Variants in FBXL7 observed in about 807,000 individuals in gnomAD.
FBXL7 encodes the protein F-box/LRR-repeat protein 7.
Under a neutral mutation model 38.3 loss-of-function variants are expected in FBXL7, and 12 were observed. That is an observed-to-expected ratio of 0.31 (90% CI 0.20 to 0.51). The LOEUF is 0.51. FBXL7 is among the 20% of genes least tolerant of loss of function. The pLI is 0.98. For missense variants in FBXL7, 567 were observed against 676.4 expected, an observed-to-expected ratio of 0.84 and a Z score of 1.79; for synonymous variants, 297 against 300.9, an observed-to-expected ratio of 0.99 and a Z score of 0.13.
intron 2 of FBXL7, among the ~76,000 whole-genome samples, chr5:15,819,292 A>G (rs1579491144): frequency 6.6e-6 from 1 of 152,148 alleles, no homozygotes; most frequent in Non-Finnish European, 1.5e-5. Flanking sequence ...TTTAATTTCT[A>G]ATTATACTGT....
At chr5:15,654,602 T>G (rs1003561331) in intron 2 of FBXL7, among the ~76,000 whole-genome samples, 6 of 152,088 alleles carry the variant, frequency 3.9e-5, no homozygotes, top group African/African-American at 1.2e-4. Flanking sequence ...AGATTCAAGG[T>G]TTTTTAAAGT....
chr5:15,594,015 T>C (rs891820245), intron 1 of FBXL7, among the ~76,000 whole-genome samples: 1 of 152,250 alleles, frequency 6.6e-6, no homozygotes, highest in African/African-American at 2.4e-5. Flanking sequence ...AACATTATAC[T>C]AAAGATTCAT....
At chr5:15,713,197 TC>T (rs1386432772) in intron 2 of FBXL7, among the ~76,000 whole-genome samples, 1 of 152,176 alleles carries the variant, frequency 6.6e-6, no homozygotes. Flanking sequence ...GAAAGGTCCA[TC>T]TTACATGGCA....
At chr5:15,823,921 C>G (rs1318099562) in intron 2 of FBXL7, among the ~76,000 whole-genome samples, 2 of 152,064 alleles carry the variant, frequency 1.3e-5, no homozygotes, top group African/African-American at 4.8e-5. Context: ...ATGAAATGCC[C>G]CAGAAAATAT....
intron 2 of FBXL7, among the ~76,000 whole-genome samples, chr5:15,652,034 C>A (rs1276470092): frequency 2.0e-5 from 3 of 152,300 alleles, no homozygotes; most frequent in African/African-American, 7.2e-5. Context: ...CTTTATGATC[C>A]AACCTCCCTT....
chr5:15,595,842 G>A (rs1739611173), intron 1 of FBXL7, among the ~76,000 whole-genome samples: 1 of 152,142 alleles, frequency 6.6e-6, no homozygotes, highest in African/African-American at 2.4e-5. Context: ...TCTGATGCCT[G>A]GAGCTTTTTC....
At chr5:15,864,646 C>G (rs1011689778) in intron 2 of FBXL7, among the ~76,000 whole-genome samples, 1 of 152,092 alleles carries the variant, frequency 6.6e-6, no homozygotes. Context: ...TGGCAGAAAT[C>G]GCTTAACACA....
intron 2 of FBXL7, among the ~76,000 whole-genome samples, chr5:15,847,475 A>G (rs1460316473): frequency 6.6e-6 from 1 of 152,102 alleles, no homozygotes; most frequent in Non-Finnish European, 1.5e-5. Flanking sequence ...GGGAACTACA[A>G]TTCAAGATGA....
rs566331650 is a variant in FBXL7 at position 15,928,266 on chromosome 5, C to T, written c.504C>T (p.Arg168=). 2 of 1,612,366 alleles carry T rather than the reference C, an allele frequency of 1.2e-6. No individual in the cohort carries two copies. Among genetic ancestry groups the T allele is most frequent in the Non-Finnish European group, 1.7e-6 (2 of 1,179,218 alleles). ...RLTGETINVD[R]ALKVLTRRLC... is the part of the protein sequence containing the mutation. The stretch of plus-strand genomic sequence containing the variant: ...CGGGCGAGACCATCAACGTGGACCG[C>T]GCCCTCAAGGTGCTGACCCGCAGAC... Residue 168 remains arginine (R), a synonymous_variant, in exon 3 of 4, where the codon CGC becomes CGT. Coordinates refer to ENST00000504595, the MANE Select transcript of FBXL7 (RefSeq NM_012304.5). This position sits in a 1 kb window ranked among gnomAD's most constrained non-coding sequence, Gnocchi z 4.0.
At chr5:15,764,876 A>G (rs1459324916) in intron 2 of FBXL7, among the ~76,000 whole-genome samples, 2 of 152,260 alleles carry the variant, frequency 1.3e-5, no homozygotes, top group Non-Finnish European at 2.9e-5. Flanking sequence ...CTAAAGGGCC[A>G]GATTGTAAAT....
At chr5:15,642,649 T>C (rs2126558405) in intron 2 of FBXL7, among the ~76,000 whole-genome samples, 1 of 152,296 alleles carries the variant, frequency 6.6e-6, no homozygotes, top group East Asian at 1.9e-4. Context: ...TGGGTTGCCA[T>C]GGAGCAAACT....
rs527402580 is a variant in FBXL7 at position 15,863,863 on chromosome 5, T to C, written c.128-64027T>C. 2.0e-5 allele frequency among the ~76,000 whole-genome samples: 3 copies of C among 152,262 alleles called. No homozygotes were observed. The South Asian group carries it at 6.2e-4, about 32-fold the overall frequency. On this transcript the variant is annotated intron_variant, in intron 2 of 3. Transcript: ENST00000504595. ...GGTCCTCCTCGCCTTCCACCATGAG[T>C]GGAAGCAGCTGTTGGCCCTCACTAG... is the stretch of plus-strand genomic sequence containing the variant.
intron 2 of FBXL7, among the ~76,000 whole-genome samples, chr5:15,642,124 C>T (rs1170873512): frequency 6.6e-6 from 1 of 152,058 alleles, no homozygotes; most frequent in African/African-American, 2.4e-5. Context: ...GCAGTGAAAA[C>T]ACTTGGTATT....
At position 15,785,829 on chromosome 5, in the gene FBXL7, G is replaced by T. The variant is rs116803144; in HGVS notation, c.128-142061G>T. Among the ~76,000 whole-genome samples, 821 of 152,340 alleles carry T rather than the reference G, an allele frequency of 5.4e-3. 4 individuals carry two copies. The highest frequency in any genetic ancestry group is 0.019 in the African/African-American group (778 of 41,574). ...CCCCCTCGCAGTTCAGTTGCATCTG[G>T]CACGCATTGTGCCTGTTGTCTGCTA... is the stretch of plus-strand genomic sequence containing the variant. On this transcript the variant is annotated intron_variant, in intron 2 of 3. Transcript: ENST00000504595.
intron 2 of FBXL7, among the ~76,000 whole-genome samples, chr5:15,886,844 G>A (rs957056455): frequency 2.6e-5 from 4 of 152,158 alleles, no homozygotes; most frequent in Non-Finnish European, 4.4e-5. Context: ...TCCAAGAATC[G>A]TGGCTCACAA....
chr5:15,806,167 CT>C (rs999671419), intron 2 of FBXL7, among the ~76,000 whole-genome samples: 1 of 152,128 alleles, frequency 6.6e-6, no homozygotes, highest in Non-Finnish European at 1.5e-5. Flanking sequence ...AAACTTAACT[CT>C]TTTGTTACAC....
chr5:15,542,311 A>G (rs1737776258), intron 1 of FBXL7, among the ~76,000 whole-genome samples: 1 of 152,180 alleles, frequency 6.6e-6, no homozygotes, highest in South Asian at 2.1e-4. Context: ...ATAATTCTAC[A>G]TGTGATACAG....
rs6861989 is a variant in FBXL7 at position 15,879,992 on chromosome 5, G to A, written c.128-47898G>A. 7.1e-3 allele frequency among the ~76,000 whole-genome samples: 1,081 copies of A among 152,146 alleles called. 23 individuals are homozygous for A. The highest frequency in any genetic ancestry group is 0.025 in the African/African-American group (1,028 of 41,488). ...AAAAAAAACTTGTTAAAAGAGTGTT[G>A]GGTCAATCACTATCCCTCCAGAAGA... On this transcript the variant is annotated intron_variant, in intron 2 of 3. Transcript: ENST00000504595.
chr5:15,841,611 A>G (rs538495946), intron 2 of FBXL7, among the ~76,000 whole-genome samples: 43 of 152,144 alleles, frequency 2.8e-4, no homozygotes, highest in Admixed American at 2.4e-3. Context: ...CCCTTGCTTG[A>G]ACTACTTTGT....
Sources: allele counts gnomAD v4.1 joint callset (sites outside exome capture counted in the v4.1 genomes callset), GRCh38; gene constraint gnomAD v4.1.1; non-coding constraint Gnocchi (gnomAD v3.1); transcripts MANE v1.5; gene names NCBI Gene and HGNC (gene_info 2026-07-23, HGNC 2026-07-21).